Variants in GRK2 observed in about 807,000 individuals in gnomAD.
GRK2 encodes the protein G protein-coupled receptor kinase 2, also known as adrenergic beta receptor kinase 1.
Under a neutral mutation model 97.8 loss-of-function variants are expected in GRK2, and 23 were observed. The ratio of observed to expected loss-of-function variants is 0.24; its 90% confidence interval spans 0.17 to 0.33. The LOEUF is 0.33. GRK2 is among the 10% of genes least tolerant of loss of function. The pLI, the probability that GRK2 is intolerant of heterozygous loss-of-function variation, is 1.00. For missense variants in GRK2, 633 were observed against 956.9 expected, an observed-to-expected ratio of 0.66 and a Z score of 4.47; for synonymous variants, 425 against 381.7, an observed-to-expected ratio of 1.11 and a Z score of -1.32.
Position 67,277,491 on chromosome 11 carries a change from T to C in GRK2, c.190+143T>C, listed in dbSNP as rs921816017. 4 of 726,634 alleles carry C rather than the reference T, an allele frequency of 5.5e-6. No individual in the cohort carries two copies. In the African/African-American group the frequency reaches 7.1e-5, roughly 13 times the overall value. The allele number at this position is 726,634 out of a possible 1,614,324, so 45.0% of individuals were successfully genotyped here. A position where few individuals can be genotyped will look rare whatever the true frequency, so the allele number is the denominator to read the frequency against. ...CAGCCAGCGAGACCCCAGGGCTTGCTCCAAGTCGCTGCGACCCTGCGTGCC... is the reference window on the plus strand; with the variant it reads ...CAGCCAGCGAGACCCCAGGGCTTGCCCCAAGTCGCTGCGACCCTGCGTGCC... On this transcript the variant is annotated intron_variant, in intron 2 of 20. Coordinates refer to ENST00000308595, the MANE Select transcript of GRK2 (RefSeq NM_001619.5).
chr11:67,268,879 G>A (rs1026736154), intron 1 of GRK2, among the ~76,000 whole-genome samples: 8 of 152,238 alleles, frequency 5.3e-5, no homozygotes, highest in Non-Finnish European at 1.2e-4. Context: ...TACCAGGACT[G>A]TGTGGCACCC....
intron 1 of GRK2, among the ~76,000 whole-genome samples, chr11:67,270,001 G>C (rs61759801): frequency 1.3e-5 from 2 of 152,154 alleles, no homozygotes; most frequent in Admixed American, 6.5e-5. Context: ...TGTGTATCTG[G>C]AAGATGGGAG....
rs1400929574 is a variant in GRK2, at chr11:67,284,327, G to A, written c.1608G>A (p.Leu536=). 10 of 1,613,030 alleles carry A rather than the reference G, an allele frequency of 6.2e-6. No homozygotes were observed. In the Admixed American group the frequency reaches 1.7e-4, roughly 27 times the overall value. ...CCATCAACGCTGAGACAGACCGGCTGGAGGCTCGCAAGAAAGCCAAGAACA... is the reference window on the plus strand; with the variant it reads ...CCATCAACGCTGAGACAGACCGGCTAGAGGCTCGCAAGAAAGCCAAGAACA... ...FDTINAETDR[L]EARKKAKNKQ... The change falls in exon 18 of 21, where the codon CTG becomes CTA. Residue 536 remains leucine, a synonymous_variant. Transcript: ENST00000308595.
chr11:67,273,719 A>G (rs1859960626), intron 1 of GRK2, among the ~76,000 whole-genome samples: 1 of 152,004 alleles, frequency 6.6e-6, no homozygotes, highest in South Asian at 2.1e-4. Flanking sequence ...CTTTTTAAGG[A>G]AGAAAGTGGA....
At position 67,279,232 on chromosome 11, in the gene GRK2, C is replaced by G; in HGVS notation, c.223C>G (p.His75Asp). The G allele has an allele frequency of 6.2e-7, 1 of 1,613,654 alleles. No individual in the cohort carries two copies. The highest frequency in any genetic ancestry group is 8.5e-7 in the Non-Finnish European group (1 of 1,179,982). ...YLLFRDFCLN[H>D]LEEARPLVEF... is the part of the protein sequence containing the mutation. ...GCTCTTCCGAGACTTCTGCCTGAACCACCTGGAGGAGGCCAGGCCCTTGGT... is the reference window on the plus strand; with the variant it reads ...GCTCTTCCGAGACTTCTGCCTGAACGACCTGGAGGAGGCCAGGCCCTTGGT... Residue 75 changes from histidine (H) to aspartate (D), a missense_variant, in exon 3 of 21, where the codon CAC (histidine) becomes GAC (aspartate). Physicochemically the swap from His to Asp is moderately conservative, Grantham distance 81. Transcript: ENST00000308595.
At position 67,285,152 on chromosome 11, in the gene GRK2, G is replaced by A. The variant is rs906228604; in HGVS notation, c.1869G>A (p.Lys623=). The change falls in exon 20 of 21, where the codon AAG becomes AAA. Residue 623 remains lysine (K), a synonymous_variant. Coordinates refer to ENST00000308595, the MANE Select transcript of GRK2 (RefSeq NM_001619.5). ...QIKERKCLLL[K]IRGGKQFILQ... ...AGGAGCGCAAGTGCCTGCTCCTCAA[G>A]ATCCGCGGTGGGAAACAGTTCATTT... 9 of 1,613,500 alleles carry A rather than the reference G, an allele frequency of 5.6e-6. No homozygotes were observed. In the African/African-American group the frequency reaches 1.2e-4, roughly 22 times the overall value.
chr11:67,284,688 C>A (rs1167355036), intron 18 of GRK2, 159 bp from the exon 19 acceptor site: 4 of 1,016,570 alleles, frequency 3.9e-6, no homozygotes, highest in East Asian at 2.6e-5. Flanking sequence ...ACCCGGGAGG[C>A]TGAGGCGGGA....
intron 2 of GRK2, 129 bp downstream of exon 2, chr11:67,277,477 AC>A: frequency 1.3e-6 from 1 of 792,802 alleles, no homozygotes; most frequent in Non-Finnish European, 2.1e-6. Flanking sequence ...AGCCAGCGAG[AC>A]CCCAGGGCTT....
chr11:67,285,401 A>T lies in GRK2; in HGVS notation c.2021A>T (p.Glu674Val). ...MKNKPRSPVV[E>V]LSKVPLVQRG... ...AACAAGCCGCGCTCGCCCGTGGTGG[A>T]GCTGAGCAAGGTGCCGCTGGTCCAG... Residue 674 changes from glutamate (E) to valine (V), a missense_variant, in exon 21 of 21, where the codon GAG (glutamate) becomes GTG (valine). Glu to Val is a moderately radical substitution (Grantham distance 121). Coordinates refer to ENST00000308595, the MANE Select transcript of GRK2 (RefSeq NM_001619.5). The T allele has an allele frequency of 6.2e-7, 1 of 1,607,354 alleles. No homozygotes were observed. The highest frequency in any genetic ancestry group is 8.5e-7 in the Non-Finnish European group (1 of 1,177,514).
chr11:67,274,226 T>A (rs1859973579), intron 1 of GRK2, among the ~76,000 whole-genome samples: 1 of 152,088 alleles, frequency 6.6e-6, no homozygotes, highest in South Asian at 2.1e-4. Context: ...TTGGTCAGGC[T>A]GGTCTTAAAC....
At chr11:67,277,887 G>A (rs1025583878) in intron 2 of GRK2, among the ~76,000 whole-genome samples, 8 of 152,256 alleles carry the variant, frequency 5.3e-5, no homozygotes, top group African/African-American at 1.9e-4. Context: ...TCGGGAAGCA[G>A]GCTCCAGCCC....
rs1405089726 is a variant in GRK2, at chr11:67,266,652, G to GCGA, written c.-46_-45insACG. The GCGA allele has an allele frequency of 8.4e-6, 5 of 594,138 alleles. No individual in the cohort carries two copies. Among genetic ancestry groups the GCGA allele is most frequent in the Non-Finnish European group, 1.1e-5 (5 of 466,816 alleles). 36.8% of individuals were successfully genotyped at this position (594,138 alleles called of 1,614,324 possible). Reference sequence around the variant, plus strand: ...CGGGCCGAGCGCCGAGCGAGCAGGAGCGGCGGCGGCGGCGGCGGCGGCGGG... The same window carrying GCGA: ...CGGGCCGAGCGCCGAGCGAGCAGGAGCGACGGCGGCGGCGGCGGCGGCGGCGGG... On this transcript the variant is annotated 5_prime_UTR_variant, in exon 1 of 21. Transcript: ENST00000308595.
At position 67,283,871 on chromosome 11, in the gene GRK2, C is replaced by T. The variant is rs950025242; in HGVS notation, c.1413C>T (p.Ile471=). The T allele has an allele frequency of 3.1e-6, 5 of 1,612,862 alleles. No homozygotes were observed. The highest frequency in any genetic ancestry group is 4.5e-5 in the East Asian group (2 of 44,876). ...TGCTGCAGTACCCTCCCCCGCTGAT[C>T]CCCCCACGAGGGGAGGTGAACGCGG... ...VFLQKYPPPL[I]PPRGEVNAAD... The change falls in exon 17 of 21, where the codon ATC becomes ATT. Residue 471 remains isoleucine (I), a synonymous_variant. Coordinates refer to ENST00000308595, the MANE Select transcript of GRK2 (RefSeq NM_001619.5).
intron 1 of GRK2, among the ~76,000 whole-genome samples, chr11:67,273,443 G>T (rs1281832817): frequency 6.6e-6 from 1 of 152,238 alleles, no homozygotes; most frequent in Non-Finnish European, 1.5e-5. Flanking sequence ...AGGGAGCAGT[G>T]TTGGAGACAA....
chr11:67,277,261 C>G lies in GRK2; in HGVS notation c.114-11C>G, dbSNP rs746203778. 2 of 1,613,308 alleles carry G rather than the reference C, an allele frequency of 1.2e-6. No homozygotes were observed. Among genetic ancestry groups the G allele is most frequent in the Non-Finnish European group, 1.7e-6 (2 of 1,179,786 alleles). On this transcript the variant is annotated splice_polypyrimidine_tract_variant and intron_variant, in intron 1 of 20. Coordinates refer to ENST00000308595, the MANE Select transcript of GRK2 (RefSeq NM_001619.5). ...GGGGGCTTCTGCTTACTGCGCCCCC[C>G]TGACCCACAGCATCCGCAGTGTCAT...
chr11:67,277,811 T>C (rs2136497767), intron 2 of GRK2, among the ~76,000 whole-genome samples: 1 of 152,296 alleles, frequency 6.6e-6, no homozygotes, highest in Middle Eastern at 3.4e-3. Context: ...GTCTGATGCC[T>C]GCTGTCAGAA....
chr11:67,280,321 T>G, intron 6 of GRK2: 1 of 364,964 alleles, frequency 2.7e-6, no homozygotes, highest in South Asian at 2.9e-5. Context: ...GTAGGTAGAT[T>G]TCAGCCAGCT....
rs758065989 is a variant in GRK2 at position 67,276,110 on chromosome 11, C to T, written c.114-1162C>T. 7.9e-5 allele frequency among the ~76,000 whole-genome samples: 12 copies of T among 152,250 alleles called. No homozygotes were observed. Among genetic ancestry groups the T allele is most frequent in the Admixed American group, 2.0e-4 (3 of 15,288 alleles). ...ACTTGCGGATCCAAATCTCCACCAGCTGCAGTCATTTCACGGGAGGCCTGC... is the reference window on the plus strand; with the variant it reads ...ACTTGCGGATCCAAATCTCCACCAGTTGCAGTCATTTCACGGGAGGCCTGC... On this transcript the variant is annotated intron_variant, in intron 1 of 20. Coordinates refer to ENST00000308595, the MANE Select transcript of GRK2 (RefSeq NM_001619.5). The surrounding 1 kb of genome is among the most constrained non-coding windows in gnomAD (Gnocchi z 4.2).
In GRK2 at chr11:67,279,429, C is replaced by T. The variant is rs201358569; in HGVS notation, c.276C>T (p.Tyr92=). The T allele has an allele frequency of 5.0e-6, 8 of 1,613,216 alleles. No homozygotes were observed. Among genetic ancestry groups the T allele is most frequent in the East Asian group, 2.2e-5 (1 of 44,890 alleles). The part of the protein sequence containing the change: ...LVEFYEEIKK[Y]EKLETEEERV... ...ATCCTGTCCTCCAGATCAAGAAGTA[C>T]GAGAAGCTGGAGACGGAGGAGGAGC... Residue 92 remains tyrosine (Y), a synonymous_variant, in exon 4 of 21, where the codon TAC becomes TAT. Coordinates refer to ENST00000308595, the MANE Select transcript of GRK2 (RefSeq NM_001619.5).
Sources: gnomAD v4.1 joint callset for allele counts (sites outside exome capture counted in the v4.1 genomes callset) on GRCh38, gnomAD v4.1.1 for gene constraint, Gnocchi (gnomAD v3.1) non-coding constraint, MANE v1.5 for transcripts, NCBI Gene and HGNC (gene_info 2026-07-23, HGNC 2026-07-21) for gene names.